The following RBFOX1 variants were observed in gnomAD, a reference collection of about 807,000 sequenced individuals.
The protein encoded by RBFOX1 is RNA binding fox-1 homolog 1.
A neutral mutation model predicts 57.7 loss-of-function variants in RBFOX1; 8 were observed. The ratio of observed to expected loss-of-function variants is 0.14; its 90% confidence interval spans 0.08 to 0.25. The LOEUF (loss-of-function observed/expected upper bound fraction) is 0.25. Among genes scored for constraint, RBFOX1 ranks in the 10% least tolerant of loss-of-function variants. The probability of loss-of-function intolerance (pLI) is 1.00; values close to 1 mark genes in which losing one functional copy is unlikely to be tolerated. For synonymous variants in RBFOX1, 326 were observed against 222.4 expected (o/e 1.47, Z -4.15); for missense variants, 611 against 548.5 (o/e 1.11, Z -1.14).
rs185235496 is a variant in RBFOX1, at chr16:6,837,994, G to T, written c.-16+183344G>T. ...ACCACCCCTTTCCATGGCAATACTG[G>T]GAAGTTACCACCCCTTTTTTTTTTT... On this transcript the variant is annotated intron_variant, in intron 3 of 15. Transcript: ENST00000550418. 3.4e-4 allele frequency among the ~76,000 whole-genome samples: 49 copies of T among 143,760 alleles called. 1 individual carries two copies. Among genetic ancestry groups the T allele is most frequent in the African/African-American group, 1.3e-3 (47 of 36,910 alleles). The allele number at this position is 143,760 out of a possible 152,430, so 94.3% of individuals were successfully genotyped here.
rs576714997 is a variant in RBFOX1 at position 7,267,915 on chromosome 16, A to G, written c.27+215817A>G. ...TTTGTTGAGTCAGAAGCACTTCAGT[A>G]CAGTCATGCAGCACTTAATGGCAGG... On this transcript the variant is annotated intron_variant, in intron 4 of 15. Coordinates refer to ENST00000550418, the MANE Select transcript of RBFOX1 (RefSeq NM_018723.4). Among the ~76,000 whole-genome samples, 1,211 of 152,328 alleles carry G rather than the reference A, an allele frequency of 7.9e-3. 4 individuals are homozygous for G. The highest frequency in any genetic ancestry group is 0.013 in the Non-Finnish European group (900 of 68,032).
chr16:6,443,672 A>C (rs2094431059), intron 2 of RBFOX1, among the ~76,000 whole-genome samples: 1 of 152,190 alleles, frequency 6.6e-6, no homozygotes, highest in Non-Finnish European at 1.5e-5. Context: ...GATTTATAAA[A>C]CTGAAATGAT....
chr16:7,259,143 G>T (rs943195279), intron 4 of RBFOX1, among the ~76,000 whole-genome samples: 2 of 152,184 alleles, frequency 1.3e-5, no homozygotes, highest in Non-Finnish European at 2.9e-5. Flanking sequence ...GTCACCTGGA[G>T]AGAAGCTGTT....
chr16:6,847,291 G>A (rs138266611), intron 3 of RBFOX1, among the ~76,000 whole-genome samples: 1 of 152,226 alleles, frequency 6.6e-6, no homozygotes, highest in African/African-American at 2.4e-5. Context: ...CCCAGACTGT[G>A]CTCATTTGGA....
At chr16:6,087,593 A>G (rs1024349744) in intron 1 of RBFOX1, among the ~76,000 whole-genome samples, 3 of 151,948 alleles carry the variant, frequency 2.0e-5, no homozygotes, top group African/African-American at 7.3e-5. Flanking sequence ...AAATAACTAT[A>G]TACTGTTCCA....
intron 3 of RBFOX1, among the ~76,000 whole-genome samples, chr16:5,837,479 G>A (rs997282296): frequency 3.6e-4 from 54 of 151,942 alleles, no homozygotes; most frequent in Admixed American, 2.0e-4. Flanking sequence ...ACGACTCTCA[G>A]CCACCCTCTG....
chr16:5,321,079 A>G (rs1472706670), intron 1 of RBFOX1, among the ~76,000 whole-genome samples: 1 of 152,178 alleles, frequency 6.6e-6, no homozygotes, highest in Non-Finnish European at 1.5e-5. Context: ...TTTGCATCCA[A>G]GCACTGGAGA....
intron 3 of RBFOX1, among the ~76,000 whole-genome samples, chr16:6,901,992 G>A (rs2068614238): frequency 6.6e-6 from 1 of 152,076 alleles, no homozygotes; most frequent in Non-Finnish European, 1.5e-5. Flanking sequence ...CTGTTTATCA[G>A]AACTTTGCCT....
chr16:6,223,545 G>A (rs1202826428), intron 1 of RBFOX1, among the ~76,000 whole-genome samples: 2 of 152,108 alleles, frequency 1.3e-5, no homozygotes, highest in Non-Finnish European at 2.9e-5. Context: ...TTTTGTTGGG[G>A]TTGTTTGTTT....
chr16:6,052,749 A>G (rs2152438341), intron 1 of RBFOX1, among the ~76,000 whole-genome samples: 1 of 151,432 alleles, frequency 6.6e-6, no homozygotes, highest in South Asian at 2.1e-4. Flanking sequence ...GCGCCACTGC[A>G]CTCCAGCCTG....
chr16:6,964,808 A>G lies in RBFOX1; in HGVS notation c.-15-87249A>G, dbSNP rs576417268. 3.3e-5 allele frequency among the ~76,000 whole-genome samples: 5 copies of G among 152,200 alleles called. No individual in the cohort carries two copies. In the South Asian group the frequency reaches 1.0e-3, roughly 32 times the overall value. Reference sequence around the variant, plus strand: ...CTGTTTGAAAAGCTTAAAGCTAAGAAAGGCCTTTGTCTAAAAGAGCCTGGT... The same window carrying G: ...CTGTTTGAAAAGCTTAAAGCTAAGAGAGGCCTTTGTCTAAAAGAGCCTGGT... On this transcript the variant is annotated intron_variant, in intron 3 of 15. Coordinates refer to ENST00000550418, the MANE Select transcript of RBFOX1 (RefSeq NM_018723.4).
In RBFOX1 at chr16:6,647,841, C is replaced by G. The variant is rs555602728; in HGVS notation, c.-63-6762C>G. On this transcript the variant is annotated intron_variant, in intron 2 of 15. Coordinates refer to ENST00000550418, the MANE Select transcript of RBFOX1 (RefSeq NM_018723.4). ...CCTTGACTGCCTAGGGATAAGTGATCCCCTTCTCTTTGTTTTGAAACAGAG... is the reference window on the plus strand; with the variant it reads ...CCTTGACTGCCTAGGGATAAGTGATGCCCTTCTCTTTGTTTTGAAACAGAG... 1.9e-4 allele frequency among the ~76,000 whole-genome samples: 29 copies of G among 152,082 alleles called. No homozygotes were observed. The South Asian group carries it at 6.0e-3, about 32-fold the overall frequency.
chr16:5,330,320 C>T (rs552123099), intron 1 of RBFOX1, among the ~76,000 whole-genome samples: 26 of 152,246 alleles, frequency 1.7e-4, no homozygotes, highest in African/African-American at 6.0e-4. Context: ...CTATTTATTT[C>T]TGGAATTTAC....
At chr16:6,586,493 T>G (rs1191839866) in intron 2 of RBFOX1, among the ~76,000 whole-genome samples, 2 of 152,194 alleles carry the variant, frequency 1.3e-5, no homozygotes, top group African/African-American at 4.8e-5. Context: ...CCAACTTGAA[T>G]GGCCTTAAGG....
chr16:7,636,192 T>C (rs141245995), intron 11 of RBFOX1, among the ~76,000 whole-genome samples: 1 of 152,388 alleles, frequency 6.6e-6, no homozygotes, highest in Non-Finnish European at 1.5e-5. Flanking sequence ...ACATCCATTC[T>C]ACACTTAACA....
chr16:7,428,790 G>A (rs1239492478), intron 4 of RBFOX1, among the ~76,000 whole-genome samples: 1 of 151,770 alleles, frequency 6.6e-6, no homozygotes, highest in African/African-American at 2.4e-5. Flanking sequence ...GGCTTTGAGG[G>A]CAATTCACTT....
chr16:6,811,396 T>C lies in RBFOX1; in HGVS notation c.-16+156746T>C, dbSNP rs180981402. On this transcript the variant is annotated intron_variant, in intron 3 of 15. Coordinates refer to ENST00000550418, the MANE Select transcript of RBFOX1 (RefSeq NM_018723.4). ...TAAATGTGATTAGCTTTTAGCTAGATAACATTGAATATTTTAATGTTTCAT... is the reference window on the plus strand; with the variant it reads ...TAAATGTGATTAGCTTTTAGCTAGACAACATTGAATATTTTAATGTTTCAT... Among the ~76,000 whole-genome samples the C allele has an allele frequency of 1.5e-4, 23 of 152,372 alleles. 1 individual carries two copies. The East Asian group carries it at 4.4e-3, about 29-fold the overall frequency.
At chr16:6,272,785 A>G (rs2152678760) in intron 1 of RBFOX1, among the ~76,000 whole-genome samples, 1 of 152,312 alleles carries the variant, frequency 6.6e-6, no homozygotes, top group African/African-American at 2.4e-5. Flanking sequence ...GACCTACATA[A>G]GTATGTCCAA....
chr16:6,822,370 C>T (rs572257941), intron 3 of RBFOX1, among the ~76,000 whole-genome samples: 6 of 152,150 alleles, frequency 3.9e-5, no homozygotes, highest in African/African-American at 1.2e-4. Flanking sequence ...CTGTCACTTG[C>T]AAGAATTTGG....
Sources: allele counts gnomAD v4.1 joint callset (sites outside exome capture counted in the v4.1 genomes callset), GRCh38; gene constraint gnomAD v4.1.1; transcripts MANE v1.5; gene names NCBI Gene and HGNC (gene_info 2026-07-23, HGNC 2026-07-21).